CBY1: variants seen among roughly 807,000 people sequenced by gnomAD.
The protein encoded by CBY1 is chibby 1, beta catenin antagonist.
A neutral mutation model predicts 15.6 loss-of-function variants in CBY1; 10 were observed. That is an observed-to-expected ratio of 0.64 (90% confidence interval 0.40 to 1.09). The LOEUF (loss-of-function observed/expected upper bound fraction) is 1.09. Among genes scored for constraint, CBY1 ranks in the 50% least tolerant of loss-of-function variants. CBY1 has a pLI of 0.01. For missense variants in CBY1, 150 were observed against 160.5 expected (o/e 0.93, Z 0.35); for synonymous variants, 61 against 63.5 (o/e 0.96, Z 0.19).
intron 1 of CBY1, among the ~76,000 whole-genome samples, chr22:38,660,384 G>T (rs560510936): frequency 6.6e-6 from 1 of 151,690 alleles, no homozygotes; most frequent in African/African-American, 2.4e-5. Context: ...TAGTAGAGAC[G>T]GGGTTTCACT....
chr22:38,667,017 T>TATTTA (rs35907163), intron 1 of CBY1, among the ~76,000 whole-genome samples: 2 of 150,500 alleles, frequency 1.3e-5, no homozygotes, highest in Admixed American at 6.6e-5. Flanking sequence ...TTTCTTTATT[T>TATTTA]TTTTTTTTTT....
Position 38,660,655 on chromosome 22 carries a change from T to C in CBY1, c.-39+3905T>C, listed in dbSNP as rs549738732. On this transcript the variant is annotated intron_variant, in intron 1 of 4. Transcript: ENST00000216029. ...ACACACACACACACACGCAGACGCA[T>C]ATACACCTTCAGCCAACTGATCATG... Among the ~76,000 whole-genome samples the C allele has an allele frequency of 7.2e-5, 11 of 152,060 alleles. No individual in the cohort carries two copies. In the South Asian group the frequency reaches 1.0e-3, roughly 14 times the overall value.
rs2092459959 is a variant in CBY1 at position 38,673,825 on chromosome 22, C to T, written c.*589C>T. The T allele has an allele frequency of 6.6e-6, 1 of 152,364 alleles. No individual in the cohort carries two copies. Among genetic ancestry groups the T allele is most frequent in the Non-Finnish European group, 1.5e-5 (1 of 68,196 alleles). 9.4% of individuals were successfully genotyped at this position (152,364 alleles called of 1,614,324 possible). ...TGCTACTTTCCTGTTTGCACTACTA[C>T]TTTTTTATTAAACGATGTTAAATAA... is the stretch of plus-strand genomic sequence containing the variant. On this transcript the variant is annotated 3_prime_UTR_variant, in exon 5 of 5. Transcript: ENST00000216029.
chr22:38,658,529 C>T (rs184738566), intron 1 of CBY1, among the ~76,000 whole-genome samples: 7 of 151,596 alleles, frequency 4.6e-5, no homozygotes, highest in African/African-American at 7.3e-5. Flanking sequence ...GGTGCGATCT[C>T]GGCTCACTGC....
At chr22:38,660,102 G>C (rs147577033) in intron 1 of CBY1, among the ~76,000 whole-genome samples, 4 of 152,124 alleles carry the variant, frequency 2.6e-5, no homozygotes, top group African/African-American at 9.6e-5. Context: ...GATTCCACCA[G>C]TAATAACAGT....
At chr22:38,670,357 T>C (rs1156570431) in intron 2 of CBY1, 2 of 151,996 alleles carry the variant, frequency 1.3e-5, no homozygotes, top group African/African-American at 4.9e-5. Context: ...ATCGCACCAC[T>C]GTACTCCAGC....
intron 2 of CBY1, 57 bp downstream of exon 2, chr22:38,668,189 GTC>G: frequency 9.8e-7 from 1 of 1,016,962 alleles, no homozygotes; most frequent in African/African-American, 1.6e-5. Context: ...TGCTGAGCGT[GTC>G]TCTGAATGGA....
chr22:38,671,993 A>G (rs1053748470), intron 4 of CBY1, among the ~76,000 whole-genome samples: 4 of 150,852 alleles, frequency 2.7e-5, no homozygotes, highest in Admixed American at 1.3e-4. Context: ...GCTGGGCATG[A>G]TGGCTCATGC....
chr22:38,659,746 C>CA (rs2092416425), intron 1 of CBY1, among the ~76,000 whole-genome samples: 1 of 151,374 alleles, frequency 6.6e-6, no homozygotes, highest in Non-Finnish European at 1.5e-5. Flanking sequence ...CCTGTAGTCC[C>CA]AGCTACTCGG....
In CBY1 at chr22:38,673,342, C is replaced by T. The variant is rs2092458653; in HGVS notation, c.*106C>T. The T allele has an allele frequency of 1.4e-6, 1 of 694,672 alleles. No individual in the cohort carries two copies. Among genetic ancestry groups the T allele is most frequent in the South Asian group, 1.6e-5 (1 of 62,806 alleles). The allele number at this position is 694,672 out of a possible 1,614,324, so 43.0% of individuals were successfully genotyped here. A position where few individuals can be genotyped will look rare whatever the true frequency, so the allele number is the denominator to read the frequency against. On this transcript the variant is annotated 3_prime_UTR_variant, in exon 5 of 5. Transcript: ENST00000216029. ...AGAGAGTATCATATAATGAGACCCACAGGCACTGGCACCCTTGGGTTGGCA... is the reference window on the plus strand; with the variant it reads ...AGAGAGTATCATATAATGAGACCCATAGGCACTGGCACCCTTGGGTTGGCA...
At chr22:38,671,955 C>CT (rs1404563936) in intron 4 of CBY1, among the ~76,000 whole-genome samples, 5,515 of 146,328 alleles carry the variant, frequency 0.038, 332 homozygotes, top group African/African-American at 0.13. Context: ...AAGATGCCAT[C>CT]TTTTTTTTTT....
chr22:38,665,028 G>C (rs888979210), intron 1 of CBY1, among the ~76,000 whole-genome samples: 21 of 152,138 alleles, frequency 1.4e-4, no homozygotes. Context: ...ATTTTTTGTA[G>C]AGATGAGGTC....
chr22:38,665,586 C>G, intron 1 of CBY1: 3 of 445,412 alleles, frequency 6.7e-6, no homozygotes, highest in Non-Finnish European at 1.1e-5. Flanking sequence ...TATAACTACA[C>G]ACAGCTGCAT....
At chr22:38,667,854 C>T (rs2092441429) in intron 1 of CBY1, 163 bp from the exon 2 acceptor site, 1 of 594,652 alleles carries the variant, frequency 1.7e-6, no homozygotes, top group East Asian at 2.8e-5. Flanking sequence ...TACTGTTAAA[C>T]AATGGCAATT....
intron 1 of CBY1, among the ~76,000 whole-genome samples, chr22:38,659,607 C>T (rs564854993): frequency 9.9e-5 from 15 of 151,936 alleles, no homozygotes; most frequent in Middle Eastern, 3.2e-3. Context: ...TCACACCTGT[C>T]GTCCCAGCAC....
rs143369322 is a variant in CBY1, at chr22:38,665,018, A to G, written c.-38-2999A>G. On this transcript the variant is annotated intron_variant, in intron 1 of 4. Coordinates refer to ENST00000216029, the MANE Select transcript of CBY1 (RefSeq NM_015373.4). ...ACCACCACGCCTGGCTGATTTTTCA[A>G]TTTTTTGTAGAGATGAGGTCTCATT... is the stretch of plus-strand genomic sequence containing the variant. Among the ~76,000 whole-genome samples, 103 of 152,050 alleles carry G rather than the reference A, an allele frequency of 6.8e-4. 1 individual carries two copies. The East Asian group carries it at 0.017, about 25-fold the overall frequency.
Position 38,671,159 on chromosome 22 carries a change from C to A in CBY1, c.274C>A (p.Arg92=), listed in dbSNP as rs758699145. 6.2e-7 allele frequency: 1 copy of A among 1,613,820 alleles called. No individual in the cohort carries two copies. Residue 92 remains arginine (R), a synonymous_variant, in exon 4 of 5, where the codon CGG becomes AGG. Transcript: ENST00000216029. The part of the protein sequence containing the change: ...QQLEEENNLL[R]LKVDILLDML... ...GTTGGAGGAAGAGAACAATCTCTTGCGGCTGAAAGTGGACATCTTATTAGA... is the reference window on the plus strand; with the variant it reads ...GTTGGAGGAAGAGAACAATCTCTTGAGGCTGAAAGTGGACATCTTATTAGA...
chr22:38,670,730 A>G, intron 2 of CBY1, 154 bp from the exon 3 acceptor site: 1 of 616,420 alleles, frequency 1.6e-6, no homozygotes, highest in East Asian at 2.7e-5. Flanking sequence ...TTTCCTGTAC[A>G]TCATTTGATT....
intron 1 of CBY1, among the ~76,000 whole-genome samples, chr22:38,658,040 C>T (rs1304226928): frequency 6.6e-6 from 1 of 152,030 alleles, no homozygotes; most frequent in Admixed American, 6.6e-5. Context: ...ATGACAAGTT[C>T]ATTCAAGTCA....
Sources: allele counts gnomAD v4.1 joint callset (sites outside exome capture counted in the v4.1 genomes callset), GRCh38; gene constraint gnomAD v4.1.1; transcripts MANE v1.5; gene names NCBI Gene and HGNC (gene_info 2026-07-23, HGNC 2026-07-21).